Variants in LPP observed in about 807,000 individuals in gnomAD.
The protein encoded by LPP is lipoma-preferred partner.
LPP carries 38 observed loss-of-function variants against 60.4 expected under a neutral mutation model. That is an observed-to-expected ratio of 0.63 (90% CI 0.49 to 0.83). The LOEUF (loss-of-function observed/expected upper bound fraction) is 0.83. LPP is among the 40% of genes least tolerant of loss of function. The pLI is 0.00. For synonymous variants in LPP, 328 were observed against 290.8 expected (o/e 1.13, Z -1.30); for missense variants, 902 against 783.6 (o/e 1.15, Z -1.80).
At chr3:188,576,074 A>C (rs976837446) in intron 6 of LPP, among the ~76,000 whole-genome samples, 1 of 152,126 alleles carries the variant, frequency 6.6e-6, no homozygotes, top group African/African-American at 2.4e-5. Flanking sequence ...TTAACTACTG[A>C]GGCTAATGTT....
intron 2 of LPP, among the ~76,000 whole-genome samples, chr3:188,312,303 C>A (rs1046774790): frequency 6.6e-6 from 1 of 152,130 alleles, no homozygotes; most frequent in African/African-American, 2.4e-5. Flanking sequence ...TTTGTAATTC[C>A]GTTTTCTGAA....
At chr3:188,200,579 G>C (rs1253821657) in intron 1 of LPP, among the ~76,000 whole-genome samples, 1 of 152,188 alleles carries the variant, frequency 6.6e-6, no homozygotes, top group Non-Finnish European at 1.5e-5. Flanking sequence ...GGCCTATGGA[G>C]TGTCCTTTTG....
At position 188,336,799 on chromosome 3, in the gene LPP, A is replaced by C. The variant is rs77701799; in HGVS notation, c.-66-4864A>C. On this transcript the variant is annotated intron_variant, in intron 2 of 11. Coordinates refer to ENST00000617246, the MANE Select transcript of LPP (RefSeq NM_001375462.1). ...TCTCAGATCAGCCCAGCCACTGCTC[A>C]GTTTTCCAAGGATGTGGGTTATCAC... 8.9e-3 allele frequency among the ~76,000 whole-genome samples: 1,361 copies of C among 152,250 alleles called. 10 individuals are homozygous for C. Among genetic ancestry groups the C allele is most frequent in the Non-Finnish European group, 0.015 (1,027 of 67,986 alleles).
At chr3:188,407,784 G>T (rs112247814) in intron 4 of LPP, among the ~76,000 whole-genome samples, 97,299 of 114,436 alleles carry the variant, frequency 0.85, 41,705 homozygotes, top group East Asian at 0.95. Flanking sequence ...TTTTTTGTTT[G>T]TTTGTTTTTT....
chr3:188,415,059 C>T (rs1239986731), intron 4 of LPP, among the ~76,000 whole-genome samples: 2 of 151,998 alleles, frequency 1.3e-5, no homozygotes, highest in Admixed American at 6.6e-5. Flanking sequence ...TGATGGGTGC[C>T]TCCTAATTCT....
At chr3:188,531,296 T>A (rs1196821891) in intron 6 of LPP, among the ~76,000 whole-genome samples, 1 of 152,208 alleles carries the variant, frequency 6.6e-6, no homozygotes, top group Non-Finnish European at 1.5e-5. Flanking sequence ...ATCCTTATAA[T>A]TTCCTAGGTG....
At chr3:188,753,844 C>T (rs977548276) in intron 8 of LPP, among the ~76,000 whole-genome samples, 1 of 151,996 alleles carries the variant, frequency 6.6e-6, no homozygotes, top group Admixed American at 6.6e-5. Context: ...ATTGGAGCCA[C>T]CTTTCCCCCA....
chr3:188,272,678 CA>C (rs929094211), intron 2 of LPP, among the ~76,000 whole-genome samples: 1 of 152,176 alleles, frequency 6.6e-6, no homozygotes, highest in Non-Finnish European at 1.5e-5. Context: ...ATAGACTCTA[CA>C]AATAGTTTAC....
chr3:188,295,818 G>C (rs1363529979), intron 2 of LPP, among the ~76,000 whole-genome samples: 2 of 152,164 alleles, frequency 1.3e-5, no homozygotes, highest in African/African-American at 4.8e-5. Context: ...TGAGCCCCGT[G>C]CCCAGCCTTT....
At chr3:188,792,608 T>C (rs1051935916) in intron 9 of LPP, among the ~76,000 whole-genome samples, 1 of 152,200 alleles carries the variant, frequency 6.6e-6, no homozygotes, top group African/African-American at 2.4e-5. Context: ...GTTTTTTTGT[T>C]TTTTTGGTTT....
intron 8 of LPP, among the ~76,000 whole-genome samples, chr3:188,756,077 G>T (rs567723645): frequency 3.9e-5 from 6 of 152,092 alleles, no homozygotes; most frequent in African/African-American, 1.4e-4. Flanking sequence ...GGAAGCCATT[G>T]CAATAGCCTT....
chr3:188,489,817 T>C (rs2149732222), intron 5 of LPP, among the ~76,000 whole-genome samples: 1 of 152,320 alleles, frequency 6.6e-6, no homozygotes, highest in East Asian at 1.9e-4. Context: ...ATATCTTTGT[T>C]CGTCTTTTCT....
At chr3:188,262,609 C>T (rs1032270641) in intron 2 of LPP, among the ~76,000 whole-genome samples, 1 of 151,742 alleles carries the variant, frequency 6.6e-6, no homozygotes, top group African/African-American at 2.4e-5. Flanking sequence ...ATATTTTTGA[C>T]ACCCCCTCAT....
intron 4 of LPP, among the ~76,000 whole-genome samples, chr3:188,417,071 G>A (rs964632699): frequency 3.9e-5 from 6 of 152,034 alleles, no homozygotes; most frequent in African/African-American, 1.4e-4. Context: ...AGAGAGACCT[G>A]ATGGCTGAGG....
intron 4 of LPP, among the ~76,000 whole-genome samples, chr3:188,416,137 G>A (rs1029225277): frequency 1.3e-5 from 2 of 151,966 alleles, no homozygotes; most frequent in Non-Finnish European, 2.9e-5. Flanking sequence ...ATAAAGGAAT[G>A]CATATAGATA....
intron 9 of LPP, among the ~76,000 whole-genome samples, chr3:188,787,718 G>A (rs1742404452): frequency 6.6e-6 from 1 of 152,132 alleles, no homozygotes; most frequent in Non-Finnish European, 1.5e-5. Flanking sequence ...GTTTTTAATA[G>A]ATTTCCTCTC....
intron 2 of LPP, among the ~76,000 whole-genome samples, chr3:188,232,504 A>ATTTTTTTTTTTTTT (rs71634069): frequency 5.7e-4 from 59 of 103,230 alleles, no homozygotes; most frequent in East Asian, 9.5e-4. Flanking sequence ...ACACCCGGCT[A>ATTTTTTTTTTTTTT]TTTTTTTTTT....
chr3:188,676,481 C>CA (rs35961464), intron 7 of LPP, among the ~76,000 whole-genome samples: 59,562 of 151,988 alleles, frequency 0.39, 12,289 homozygotes, highest in East Asian at 0.78. Context: ...TAACCCTGTG[C>CA]AAAAATTATA....
At chr3:188,661,785 A>G (rs1039255852) in intron 7 of LPP, among the ~76,000 whole-genome samples, 1 of 152,208 alleles carries the variant, frequency 6.6e-6, no homozygotes, top group Admixed American at 6.5e-5. Flanking sequence ...ACCCTGCCTC[A>G]TCTATAGCAT....
Sources: gnomAD v4.1 joint callset for allele counts (sites outside exome capture counted in the v4.1 genomes callset) on GRCh38, gnomAD v4.1.1 for gene constraint, MANE v1.5 for transcripts, NCBI Gene and HGNC (gene_info 2026-07-23, HGNC 2026-07-21) for gene names.